The following GRIA4 variants were observed in gnomAD, a reference collection of about 807,000 sequenced individuals.
GRIA4 encodes glutamate ionotropic receptor AMPA type subunit 4.
GRIA4 carries 34 observed loss-of-function variants against 104.0 expected under a neutral mutation model. The observed-to-expected ratio is 0.33, with a 90% CI of 0.25 to 0.44. The LOEUF is 0.44. Ranked by LOEUF, GRIA4 falls within the 20% of genes least tolerant of loss-of-function variation. The pLI, the probability that GRIA4 is intolerant of heterozygous loss-of-function variation, is 1.00. For missense variants in GRIA4, 750 were observed against 1,096.5 expected, an observed-to-expected ratio of 0.68 and a Z score of 4.46; for synonymous variants, 386 against 381.9, an observed-to-expected ratio of 1.01 and a Z score of -0.13.
At chr11:105,956,589 T>C (rs1009282092) in intron 14 of GRIA4, among the ~76,000 whole-genome samples, 1 of 152,194 alleles carries the variant, frequency 6.6e-6, no homozygotes, top group Non-Finnish European at 1.5e-5. Context: ...TGTCTTTATA[T>C]CAGCATGATT....
intron 3 of GRIA4, among the ~76,000 whole-genome samples, chr11:105,671,276 G>T (rs191208616): frequency 6.6e-6 from 1 of 152,192 alleles, no homozygotes; most frequent in East Asian, 1.9e-4. Context: ...AATAGATGAA[G>T]AAATAGCTTG....
chr11:105,867,277 G>A (rs1340495868), intron 5 of GRIA4, among the ~76,000 whole-genome samples: 2 of 152,108 alleles, frequency 1.3e-5, no homozygotes, highest in Non-Finnish European at 2.9e-5. Flanking sequence ...AAACCTAAAT[G>A]AGGCCATTTG....
At chr11:105,744,512 T>C (rs1003223799) in intron 3 of GRIA4, among the ~76,000 whole-genome samples, 7 of 152,178 alleles carry the variant, frequency 4.6e-5, no homozygotes, top group African/African-American at 1.4e-4. Flanking sequence ...TGAAGTATCA[T>C]AGTAGTACTA....
chr11:105,659,569 T>C (rs1271245353), intron 3 of GRIA4, among the ~76,000 whole-genome samples: 2 of 151,860 alleles, frequency 1.3e-5, no homozygotes, highest in Non-Finnish European at 2.9e-5. Flanking sequence ...AAATTAACCC[T>C]AGAACAACAT....
chr11:105,615,019 T>C (rs1213216818), intron 3 of GRIA4, among the ~76,000 whole-genome samples: 3 of 152,000 alleles, frequency 2.0e-5, no homozygotes, highest in African/African-American at 7.2e-5. Context: ...GATTTTTAAA[T>C]TTGTCATGTT....
chr11:105,876,512 G>A (rs1464028360), intron 5 of GRIA4, among the ~76,000 whole-genome samples: 1 of 152,068 alleles, frequency 6.6e-6, no homozygotes, highest in Non-Finnish European at 1.5e-5. Flanking sequence ...TTGACAGTGG[G>A]GTGTTAAATT....
intron 14 of GRIA4, among the ~76,000 whole-genome samples, chr11:105,942,553 G>T (rs536418248): frequency 2.0e-5 from 3 of 151,872 alleles, no homozygotes; most frequent in African/African-American, 7.3e-5. Context: ...ATACACTTAC[G>T]GTGACTTGCC....
intron 4 of GRIA4, among the ~76,000 whole-genome samples, chr11:105,782,069 A>C (rs1188015907): frequency 3.9e-5 from 6 of 152,118 alleles, no homozygotes; most frequent in African/African-American, 9.7e-5. Context: ...AGACCTGTAC[A>C]ATCAGCTCAG....
intron 3 of GRIA4, among the ~76,000 whole-genome samples, chr11:105,718,486 A>G (rs902909545): frequency 3.3e-5 from 5 of 152,238 alleles, no homozygotes; most frequent in Admixed American, 3.3e-4. Flanking sequence ...CACTGGATGA[A>G]TAAATGGATG....
Position 105,974,318 on chromosome 11 carries a change from G to A in GRIA4, c.2418G>A (p.Thr806=), listed in dbSNP as rs571198495. The part of the protein sequence containing the change: ...GPKDSGSKDK[T]SALSLSNVAG... ...GTCTTTATCCCCCCTAGGACAAGAC[G>A]AGTGCCTTGAGCCTGAGCAATGTAG... The change falls in exon 16 of 17, where the codon ACG becomes ACA. Residue 806 remains threonine (T), a synonymous_variant. Coordinates refer to ENST00000282499, the MANE Select transcript of GRIA4 (RefSeq NM_000829.4). 6 of 1,613,710 alleles carry A rather than the reference G, an allele frequency of 3.7e-6. No homozygotes were observed. Among genetic ancestry groups the A allele is most frequent in the East Asian group, 2.2e-5 (1 of 44,882 alleles).
chr11:105,854,464 A>G (rs939133536), intron 4 of GRIA4, among the ~76,000 whole-genome samples: 2 of 152,150 alleles, frequency 1.3e-5, no homozygotes, highest in African/African-American at 4.8e-5. Flanking sequence ...ACGTCAGTAT[A>G]AAGGAGCAAT....
intron 14 of GRIA4, among the ~76,000 whole-genome samples, chr11:105,954,544 C>G (rs1948535974): frequency 6.6e-6 from 1 of 152,082 alleles, no homozygotes; most frequent in Non-Finnish European, 1.5e-5. Context: ...CAATAATCAA[C>G]ATTATGTATA....
intron 3 of GRIA4, among the ~76,000 whole-genome samples, chr11:105,624,735 C>G (rs145077858): frequency 6.6e-6 from 1 of 151,982 alleles, no homozygotes; most frequent in Admixed American, 6.6e-5. Context: ...AAAACATGCA[C>G]GTCTCCTGCT....
chr11:105,847,096 A>G (rs774433363), intron 4 of GRIA4, among the ~76,000 whole-genome samples: 1 of 152,050 alleles, frequency 6.6e-6, no homozygotes, highest in Non-Finnish European at 1.5e-5. Context: ...CGAGCACACA[A>G]TCTTTTTGGC....
chr11:105,835,227 A>G (rs903298644), intron 4 of GRIA4, among the ~76,000 whole-genome samples: 75 of 152,130 alleles, frequency 4.9e-4, no homozygotes, highest in African/African-American at 1.7e-3. Context: ...CCAACTTGTA[A>G]GTAGAGATTT....
At chr11:105,688,172 A>ATCTATCTATCTG (rs1415492919) in intron 3 of GRIA4, among the ~76,000 whole-genome samples, 7 of 151,460 alleles carry the variant, frequency 4.6e-5, no homozygotes, top group African/African-American at 1.7e-4. Context: ...CTATCTATCT[A>ATCTATCTATCTG]TCTATCTATC....
intron 14 of GRIA4, among the ~76,000 whole-genome samples, chr11:105,956,867 A>G (rs995611998): frequency 1.6e-4 from 24 of 152,328 alleles, no homozygotes; most frequent in Non-Finnish European, 2.8e-4. Flanking sequence ...AGTGATGATG[A>G]GCATTTTTTC....
chr11:105,906,187 T>C (rs1473826525), intron 9 of GRIA4, among the ~76,000 whole-genome samples: 1 of 152,246 alleles, frequency 6.6e-6, no homozygotes, highest in Non-Finnish European at 1.5e-5. Context: ...GTGCTTTGCA[T>C]GATTCCATCC....
intron 3 of GRIA4, among the ~76,000 whole-genome samples, chr11:105,702,858 C>G (rs1387225567): frequency 6.6e-6 from 1 of 151,852 alleles, no homozygotes; most frequent in Non-Finnish European, 1.5e-5. Context: ...TGACACCCGG[C>G]TAATTTTTGT....
Sources: allele counts gnomAD v4.1 joint callset (sites outside exome capture counted in the v4.1 genomes callset), GRCh38; gene constraint gnomAD v4.1.1; transcripts MANE v1.5; gene names NCBI Gene and HGNC (gene_info 2026-07-23, HGNC 2026-07-21).